The following EIF3H variants were observed in gnomAD, a reference collection of about 807,000 sequenced individuals.
EIF3H encodes eukaryotic translation initiation factor 3 subunit H.
Under a neutral mutation model 44.2 loss-of-function variants are expected in EIF3H, and 26 were observed. The ratio of observed to expected loss-of-function variants is 0.59; its 90% confidence interval spans 0.43 to 0.82. EIF3H has a LOEUF of 0.82. Among genes scored for constraint, EIF3H ranks in the 40% least tolerant of loss-of-function variants. The pLI, the probability that EIF3H is intolerant of heterozygous loss-of-function variation, is 0.00. For synonymous variants in EIF3H, 166 were observed against 151.9 expected, an observed-to-expected ratio of 1.09 and a Z score of -0.68; for missense variants, 359 against 432.8, an observed-to-expected ratio of 0.83 and a Z score of 1.51.
intron 2 of EIF3H, among the ~76,000 whole-genome samples, chr8:116,659,813 T>C (rs528031841): frequency 6.6e-6 from 1 of 152,236 alleles, no homozygotes; most frequent in South Asian, 2.1e-4. Flanking sequence ...TATAGCACAA[T>C]AATGCACAGC....
chr8:116,727,268 T>C (rs1161285553), intron 1 of EIF3H, among the ~76,000 whole-genome samples: 3 of 151,330 alleles, frequency 2.0e-5, no homozygotes, highest in Non-Finnish European at 4.4e-5. Flanking sequence ...CCCGCCAAAG[T>C]GGAAACGAAG....
chr8:116,655,032 T>C lies in EIF3H; in HGVS notation c.707+824A>G, dbSNP rs376013254. ...TTTCAGCCAACAAGCATATATTGAT[T>C]CTTTACCTACTCTGACCATTTAATT... is the stretch of plus-strand genomic sequence containing the variant. On this transcript the variant is annotated intron_variant, in intron 5 of 7. Coordinates refer to ENST00000521861, the MANE Select transcript of EIF3H (RefSeq NM_003756.3). Among the ~76,000 whole-genome samples, 11 of 152,168 alleles carry C rather than the reference T, an allele frequency of 7.2e-5. No individual in the cohort carries two copies. In the South Asian group the frequency reaches 1.5e-3, roughly 20 times the overall value.
chr8:116,729,911 C>A (rs1415707315), intron 1 of EIF3H, among the ~76,000 whole-genome samples: 1 of 152,162 alleles, frequency 6.6e-6, no homozygotes, highest in Non-Finnish European at 1.5e-5. Context: ...GATAAATTCT[C>A]TCTAGTACTG....
At chr8:116,705,795 A>G (rs1814459770) in intron 2 of EIF3H, among the ~76,000 whole-genome samples, 1 of 152,154 alleles carries the variant, frequency 6.6e-6, no homozygotes, top group Non-Finnish European at 1.5e-5. Flanking sequence ...AAATCCAGAT[A>G]AAGTTAACAG....
At chr8:116,665,452 G>A (rs1813651538) in intron 2 of EIF3H, among the ~76,000 whole-genome samples, 2 of 152,094 alleles carry the variant, frequency 1.3e-5, no homozygotes, top group Non-Finnish European at 2.9e-5. Context: ...CAGGTATATA[G>A]ATGGAACAGA....
At chr8:116,730,729 C>T (rs994637287) in intron 1 of EIF3H, among the ~76,000 whole-genome samples, 1 of 152,128 alleles carries the variant, frequency 6.6e-6, no homozygotes, top group African/African-American at 2.4e-5. Context: ...GGATGATTTA[C>T]TCACCACATC....
At chr8:116,727,082 G>C (rs1668698543) in intron 1 of EIF3H, among the ~76,000 whole-genome samples, 1 of 152,200 alleles carries the variant, frequency 6.6e-6, no homozygotes, top group South Asian at 2.1e-4. Flanking sequence ...TACGTTATTA[G>C]TGTTTCATTT....
chr8:116,657,452 C>T lies in EIF3H; in HGVS notation c.458-138G>A, dbSNP rs558584623. On this transcript the variant is annotated intron_variant, in intron 3 of 7. Coordinates refer to ENST00000521861, the MANE Select transcript of EIF3H (RefSeq NM_003756.3). ...ATCAAAATAAACAACCAGAACACAA[C>T]TTGAAGCAGACTCAAAGCACTATTG... 2.7e-4 allele frequency: 180 copies of T among 655,094 alleles called. 1 individual carries two copies. In the South Asian group the frequency reaches 3.3e-3, roughly 12 times the overall value. The allele number at this position is 655,094 out of a possible 1,614,324, so 40.6% of individuals were successfully genotyped here.
At chr8:116,656,795 C>T (rs575718104) in intron 4 of EIF3H, among the ~76,000 whole-genome samples, 1 of 152,226 alleles carries the variant, frequency 6.6e-6, no homozygotes, top group Non-Finnish European at 1.5e-5. Flanking sequence ...TTCCAATAAG[C>T]CACATTCTTT....
At chr8:116,739,435 GGTCAGGA>G (rs1302670745) in intron 1 of EIF3H, among the ~76,000 whole-genome samples, 4 of 152,198 alleles carry the variant, frequency 2.6e-5, no homozygotes, top group Admixed American at 2.6e-4. Flanking sequence ...CAGATCACGA[GGTCAGGA>G]GATCGAGACC....
chr8:116,693,638 G>T (rs1292968822), intron 2 of EIF3H, among the ~76,000 whole-genome samples: 1 of 151,674 alleles, frequency 6.6e-6, no homozygotes, highest in Non-Finnish European at 1.5e-5. Flanking sequence ...CCTCCCACTG[G>T]TATCTCTCTC....
chr8:116,731,431 T>TCTAATTTCTA (rs1814948395), intron 1 of EIF3H, among the ~76,000 whole-genome samples: 1 of 152,190 alleles, frequency 6.6e-6, no homozygotes, highest in Non-Finnish European at 1.5e-5. Flanking sequence ...AATGAAGTTG[T>TCTAATTTCTA]ATGGCCTAGC....
chr8:116,739,391 C>T (rs1390943142), intron 1 of EIF3H, among the ~76,000 whole-genome samples: 1 of 152,254 alleles, frequency 6.6e-6, no homozygotes, highest in Non-Finnish European at 1.5e-5. Context: ...TGGCTCACGC[C>T]TGTAATCCCA....
chr8:116,685,096 C>T (rs555551447), intron 2 of EIF3H, among the ~76,000 whole-genome samples: 19 of 152,220 alleles, frequency 1.2e-4, no homozygotes, highest in African/African-American at 4.3e-4. Context: ...TGATATTATG[C>T]AAATCACTCC....
intron 1 of EIF3H, among the ~76,000 whole-genome samples, chr8:116,728,799 G>A (rs938657148): frequency 1.3e-5 from 2 of 152,128 alleles, no homozygotes; most frequent in Non-Finnish European, 2.9e-5. Context: ...CCTTGAGAAA[G>A]CTATTTAATC....
chr8:116,665,767 A>C (rs1196997340), intron 2 of EIF3H, among the ~76,000 whole-genome samples: 1 of 152,218 alleles, frequency 6.6e-6, no homozygotes, highest in Non-Finnish European at 1.5e-5. Flanking sequence ...ATTTAACAAG[A>C]CAAACTTTAT....
chr8:116,746,415 G>T (rs1031566152), intron 1 of EIF3H, among the ~76,000 whole-genome samples: 1 of 152,182 alleles, frequency 6.6e-6, no homozygotes, highest in African/African-American at 2.4e-5. Context: ...AAGAGTTGTT[G>T]TATTGCTTCA....
At chr8:116,766,373 A>G (rs1815574830), upstream of EIF3H, 6 of 448,318 alleles carry the variant, frequency 1.3e-5, no homozygotes, top group African/African-American at 6.1e-5. Flanking sequence ...CAGCGTACGC[A>G]CAAGTTCCGC....
chr8:116,740,203 G>A (rs747292067), intron 1 of EIF3H, among the ~76,000 whole-genome samples: 8 of 152,162 alleles, frequency 5.3e-5, no homozygotes, highest in Non-Finnish European at 7.3e-5. Flanking sequence ...TCCCAAAACT[G>A]AGCATTTAGA....
Sources: allele counts gnomAD v4.1 joint callset (sites outside exome capture counted in the v4.1 genomes callset), GRCh38; gene constraint gnomAD v4.1.1; transcripts MANE v1.5; gene names NCBI Gene and HGNC (gene_info 2026-07-23, HGNC 2026-07-21).